The following DYNC1I1 variants were observed in gnomAD, a reference collection of about 807,000 sequenced individuals.
DYNC1I1 encodes the protein dynein cytoplasmic 1 intermediate chain 1.
A neutral mutation model predicts 86.6 loss-of-function variants in DYNC1I1; 43 were observed. The observed-to-expected ratio is 0.50, with a 90% CI of 0.39 to 0.64. DYNC1I1 has a LOEUF of 0.64. Ranked by LOEUF, DYNC1I1 falls within the 30% of genes least tolerant of loss-of-function variation. The pLI is 0.00. For missense variants in DYNC1I1, 604 were observed against 788.8 expected (o/e 0.77, Z 2.81); for synonymous variants, 262 against 283.7 (o/e 0.92, Z 0.77).
chr7:95,912,118 C>A (rs2116345271), intron 6 of DYNC1I1, among the ~76,000 whole-genome samples: 1 of 152,212 alleles, frequency 6.6e-6, no homozygotes, highest in Admixed American at 6.5e-5. Flanking sequence ...CTCACTGCAA[C>A]CTCCACCTCC....
intron 10 of DYNC1I1, among the ~76,000 whole-genome samples, chr7:96,011,273 C>T (rs1287472119): frequency 6.6e-6 from 1 of 152,106 alleles, no homozygotes; most frequent in Non-Finnish European, 1.5e-5. Flanking sequence ...ATTAACTATA[C>T]TTAATATGTA....
At position 96,084,128 on chromosome 7, in the gene DYNC1I1, G is replaced by GA. The variant is rs201838043; in HGVS notation, c.1776+3642dup. ...CTTGTTCCACAAGTGAGGCTGTCTT[G>GA]AAGAGTATAGGACCTGTGCAATTGC... On this transcript the variant is annotated intron_variant, in intron 16 of 16. Coordinates refer to ENST00000447467, the MANE Select transcript of DYNC1I1 (RefSeq NM_001135556.2). 8.1e-3 allele frequency among the ~76,000 whole-genome samples: 1,230 copies of GA among 152,158 alleles called. 17 individuals carry two copies. Among genetic ancestry groups the GA allele is most frequent in the African/African-American group, 0.028 (1,168 of 41,520 alleles).
At chr7:96,088,866 A>G (rs1285383962) in intron 16 of DYNC1I1, among the ~76,000 whole-genome samples, 3 of 152,150 alleles carry the variant, frequency 2.0e-5, no homozygotes, top group Non-Finnish European at 2.9e-5. Context: ...TGAGAATGTC[A>G]GCTATCAGAA....
intron 1 of DYNC1I1, among the ~76,000 whole-genome samples, chr7:95,785,775 GTA>G (rs200152096): frequency 0.042 from 5,156 of 123,940 alleles, 133 homozygotes; most frequent in Non-Finnish European, 0.056. Context: ...GTGTGTATGT[GTA>G]TATATATATA....
chr7:96,074,647 C>T (rs1172410266), intron 14 of DYNC1I1, among the ~76,000 whole-genome samples: 1 of 150,608 alleles, frequency 6.6e-6, no homozygotes, highest in Non-Finnish European at 1.5e-5. Context: ...CTCACAGTTA[C>T]TACACTACAT....
intron 14 of DYNC1I1, among the ~76,000 whole-genome samples, chr7:96,064,423 A>G (rs576332933): frequency 1.3e-5 from 2 of 152,170 alleles, no homozygotes; most frequent in African/African-American, 4.8e-5. Context: ...CTACTATCCA[A>G]CTCACTAGTG....
intron 6 of DYNC1I1, among the ~76,000 whole-genome samples, chr7:95,971,214 A>G (rs1793161369): frequency 1.3e-5 from 2 of 152,212 alleles, no homozygotes; most frequent in South Asian, 4.1e-4. Context: ...AGTGGAAGAT[A>G]CAGGTGTAAG....
chr7:96,019,015 C>T (rs758851310), intron 10 of DYNC1I1, among the ~76,000 whole-genome samples: 3 of 152,122 alleles, frequency 2.0e-5, no homozygotes, highest in Non-Finnish European at 4.4e-5. Flanking sequence ...TTAAGTATAT[C>T]ACAGTGAGGA....
At chr7:95,965,258 T>C (rs1391315233) in intron 6 of DYNC1I1, among the ~76,000 whole-genome samples, 1 of 152,202 alleles carries the variant, frequency 6.6e-6, no homozygotes, top group African/African-American at 2.4e-5. Context: ...TCCACAACTT[T>C]TCCTTTCCAC....
chr7:96,091,434 C>T (rs910043040), intron 16 of DYNC1I1, among the ~76,000 whole-genome samples: 2 of 152,144 alleles, frequency 1.3e-5, no homozygotes, highest in Admixed American at 6.5e-5. Flanking sequence ...TGATGAGCCA[C>T]ACATCCATGG....
At chr7:95,954,545 G>T (rs554449082) in intron 6 of DYNC1I1, among the ~76,000 whole-genome samples, 14 of 151,988 alleles carry the variant, frequency 9.2e-5, no homozygotes, top group Non-Finnish European at 1.9e-4. Context: ...AGCAATAAAA[G>T]CTGAATGCTA....
At chr7:95,854,303 T>A (rs1562923182) in intron 5 of DYNC1I1, among the ~76,000 whole-genome samples, 1 of 152,236 alleles carries the variant, frequency 6.6e-6, no homozygotes, top group African/African-American at 2.4e-5. Flanking sequence ...TTTTTGTGTA[T>A]CTACTATAGG....
At chr7:95,983,731 G>C (rs1793513836) in intron 7 of DYNC1I1, among the ~76,000 whole-genome samples, 1 of 152,134 alleles carries the variant, frequency 6.6e-6, no homozygotes, top group African/African-American at 2.4e-5. Context: ...TTTGTTGTTA[G>C]GATGGTTGTG....
At chr7:96,037,460 A>G (rs1794954449) in intron 13 of DYNC1I1, among the ~76,000 whole-genome samples, 1 of 152,178 alleles carries the variant, frequency 6.6e-6, no homozygotes, top group South Asian at 2.1e-4. Flanking sequence ...CATGAGTAGA[A>G]TGTCTTAAGT....
chr7:95,894,757 G>A (rs1790833850), intron 6 of DYNC1I1, among the ~76,000 whole-genome samples: 1 of 152,198 alleles, frequency 6.6e-6, no homozygotes. Flanking sequence ...TGAACTCTTG[G>A]AAAGCATTTT....
intron 14 of DYNC1I1, among the ~76,000 whole-genome samples, chr7:96,054,569 C>T (rs527419616): frequency 6.6e-4 from 100 of 152,320 alleles, no homozygotes; most frequent in African/African-American, 2.3e-3. Flanking sequence ...GCACTGTCTT[C>T]CACAATGGTT....
chr7:95,944,330 A>G lies in DYNC1I1; in HGVS notation c.491-33182A>G, dbSNP rs567711566. On this transcript the variant is annotated intron_variant, in intron 6 of 16. Coordinates refer to ENST00000447467, the MANE Select transcript of DYNC1I1 (RefSeq NM_001135556.2). ...CAAATCAAAACCACAATGAGATACC[A>G]TCTCACACCAGTTAGAATGGCAATC... 1.5e-4 allele frequency among the ~76,000 whole-genome samples: 23 copies of G among 152,340 alleles called. No individual in the cohort carries two copies. The East Asian group carries it at 4.4e-3, about 29-fold the overall frequency.
intron 16 of DYNC1I1, among the ~76,000 whole-genome samples, chr7:96,083,159 T>C (rs188949174): frequency 1.7e-4 from 26 of 152,330 alleles, no homozygotes; most frequent in Admixed American, 1.7e-3. Flanking sequence ...CTTCTCTGAA[T>C]GACCGAAAAT....
chr7:95,814,860 G>A (rs927722432), intron 4 of DYNC1I1, among the ~76,000 whole-genome samples: 1 of 152,092 alleles, frequency 6.6e-6, no homozygotes, highest in African/African-American at 2.4e-5. Context: ...ATTTGGGGCA[G>A]CACATGTCTT....
Sources: gnomAD v4.1 joint callset for allele counts (sites outside exome capture counted in the v4.1 genomes callset) on GRCh38, gnomAD v4.1.1 for gene constraint, MANE v1.5 for transcripts, NCBI Gene and HGNC (gene_info 2026-07-23, HGNC 2026-07-21) for gene names.